The following SEMA6A variants were observed in gnomAD, a reference collection of about 807,000 sequenced individuals.
The protein encoded by SEMA6A is semaphorin-6A.
In SEMA6A, 25 loss-of-function variants were observed where a neutral mutation model predicts 96.8. The observed-to-expected ratio is 0.26, with a 90% confidence interval of 0.19 to 0.36. SEMA6A has a LOEUF of 0.36. Among genes scored for constraint, SEMA6A ranks in the 10% least tolerant of loss-of-function variants. The probability of loss-of-function intolerance (pLI) is 1.00; values close to 1 mark genes in which losing one functional copy is unlikely to be tolerated. For synonymous variants in SEMA6A, 612 were observed against 518.0 expected (o/e 1.18, Z -2.46); for missense variants, 1,363 against 1,323.1 (o/e 1.03, Z -0.47).
At chr5:116,510,726 C>T (rs567902693) in intron 1 of SEMA6A, among the ~76,000 whole-genome samples, 2 of 152,090 alleles carry the variant, frequency 1.3e-5, no homozygotes, top group Non-Finnish European at 2.9e-5. Flanking sequence ...CTCCCCCACC[C>T]ACTTCAAGTC....
chr5:116,464,618 G>T (rs985985734), intron 18 of SEMA6A, among the ~76,000 whole-genome samples: 3 of 152,146 alleles, frequency 2.0e-5, no homozygotes, highest in African/African-American at 7.2e-5. Context: ...AGAGGGTTTG[G>T]GTCTGTTATT....
chr5:116,478,267 G>A, intron 13 of SEMA6A, 113 bp from the exon 14 acceptor site: 1 of 1,282,854 alleles, frequency 7.8e-7, no homozygotes, highest in Non-Finnish European at 1.1e-6. Flanking sequence ...AACTGGCGGT[G>A]AAACAAACAA....
At chr5:116,473,199 C>G (rs900117248) in intron 16 of SEMA6A, 106 bp from the exon 17 acceptor site, 1 of 1,064,222 alleles carries the variant, frequency 9.4e-7, no homozygotes, top group Non-Finnish European at 1.4e-6. Flanking sequence ...AGCGTATGGT[C>G]CCCGATACTA....
At chr5:116,501,776 A>G (rs141182840) in intron 3 of SEMA6A, among the ~76,000 whole-genome samples, 2,450 of 152,264 alleles carry the variant, frequency 0.016, 32 homozygotes, top group Non-Finnish European at 0.027. Context: ...TACAACAGCT[A>G]CTTGGGAGGC....
chr5:116,536,927 G>T (rs115001142), intron 1 of SEMA6A, among the ~76,000 whole-genome samples: 1 of 145,066 alleles, frequency 6.9e-6, no homozygotes, highest in African/African-American at 2.6e-5. Context: ...CTGTACAAAG[G>T]CAGCACTTTG....
At chr5:116,462,214 TTAA>T (rs1561470914) in intron 18 of SEMA6A, among the ~76,000 whole-genome samples, 1 of 152,134 alleles carries the variant, frequency 6.6e-6, no homozygotes, top group East Asian at 1.9e-4. Context: ...GGATCTATGA[TTAA>T]CTATACTCAC....
chr5:116,477,825 C>T (rs1188462607), intron 15 of SEMA6A, 21 bp downstream of exon 15: 3 of 1,612,618 alleles, frequency 1.9e-6, no homozygotes, highest in South Asian at 2.2e-5. Flanking sequence ...TTCACCCTCT[C>T]CCACACCTCA....
At chr5:116,496,963 A>G (rs1277873405) in intron 4 of SEMA6A, among the ~76,000 whole-genome samples, 1 of 152,242 alleles carries the variant, frequency 6.6e-6, no homozygotes, top group Non-Finnish European at 1.5e-5. Context: ...TTAATACTGC[A>G]AGACATGGAA....
intron 1 of SEMA6A, among the ~76,000 whole-genome samples, chr5:116,510,444 C>A (rs1758353934): frequency 6.6e-6 from 1 of 152,208 alleles, no homozygotes; most frequent in Middle Eastern, 3.4e-3. Flanking sequence ...GGCTTTGAAA[C>A]CCTCTGCCCC....
At chr5:116,532,606 G>A (rs568685461) in intron 1 of SEMA6A, among the ~76,000 whole-genome samples, 1 of 152,226 alleles carries the variant, frequency 6.6e-6, no homozygotes, top group East Asian at 1.9e-4. Context: ...CCCCATCACT[G>A]GGGTGTGTTT....
At position 116,495,461 on chromosome 5, in the gene SEMA6A, C is replaced by T. The variant is rs1321183036; in HGVS notation, c.396G>A (p.Leu132=). The T allele has an allele frequency of 6.2e-7, 1 of 1,610,566 alleles. No individual in the cohort carries two copies. The highest frequency in any genetic ancestry group is 8.5e-7 in the Non-Finnish European group (1 of 1,178,456). Residue 132 remains leucine (L), a synonymous_variant, in exon 6 of 19, where the codon TTG becomes TTA. Transcript: ENST00000343348. The part of the protein sequence containing the change: ...KVLLKKNDDA[L]FVCGTNAFNP... ...TGAAGGCATTAGTTCCACAGACAAA[C>T]AATGCATCATCGTTTTTCTTTAGAA...
chr5:116,517,841 C>T (rs1288024696), intron 1 of SEMA6A, among the ~76,000 whole-genome samples: 1 of 152,194 alleles, frequency 6.6e-6, no homozygotes, highest in Non-Finnish European at 1.5e-5. Context: ...ACTCCTTCCT[C>T]TCTCTGTAGA....
At chr5:116,560,328 G>GATC (rs1478546885) in intron 1 of SEMA6A, among the ~76,000 whole-genome samples, 4 of 152,154 alleles carry the variant, frequency 2.6e-5, no homozygotes, top group Admixed American at 2.6e-4. Flanking sequence ...TCACTGAAAT[G>GATC]TGGGCCGACA....
intron 4 of SEMA6A, among the ~76,000 whole-genome samples, chr5:116,497,040 T>C (rs1305094604): frequency 6.6e-6 from 1 of 152,228 alleles, no homozygotes; most frequent in Non-Finnish European, 1.5e-5. Context: ...AACTGATGTT[T>C]TCCTGGATAA....
At chr5:116,557,494 T>C (rs1337651120) in intron 1 of SEMA6A, among the ~76,000 whole-genome samples, 3 of 152,252 alleles carry the variant, frequency 2.0e-5, no homozygotes, top group Non-Finnish European at 4.4e-5. Context: ...TTAATACTTA[T>C]AATTTTTATT....
chr5:116,485,284 AAAAC>A (rs542289136), intron 10 of SEMA6A, among the ~76,000 whole-genome samples: 27 of 152,332 alleles, frequency 1.8e-4, no homozygotes, highest in Admixed American at 1.5e-3. Context: ...AAAACAAGAC[AAAAC>A]AAACAAAACA....
intron 13 of SEMA6A, 64 bp from the exon 14 acceptor site, chr5:116,478,218 A>G (rs1313951218): frequency 5.7e-5 from 89 of 1,554,316 alleles, no homozygotes; most frequent in Non-Finnish European, 5.5e-5. Context: ...CCCCACCCTC[A>G]CATCCCACTT....
chr5:116,469,190 A>T (rs1439262617), intron 17 of SEMA6A: 1 of 152,204 alleles, frequency 6.6e-6, no homozygotes, highest in Non-Finnish European at 1.5e-5. Context: ...TCTGTATGGC[A>T]CTTGTTTGGC....
intron 4 of SEMA6A, among the ~76,000 whole-genome samples, chr5:116,496,977 T>A (rs1757633821): frequency 6.6e-6 from 1 of 152,244 alleles, no homozygotes; most frequent in African/African-American, 2.4e-5. Flanking sequence ...CATGGAAATA[T>A]AACATTGAAA....
Sources: allele counts gnomAD v4.1 joint callset (sites outside exome capture counted in the v4.1 genomes callset), GRCh38; gene constraint gnomAD v4.1.1; transcripts MANE v1.5; gene names NCBI Gene and HGNC (gene_info 2026-07-23, HGNC 2026-07-21).